SRGAP2B: variants seen among roughly 807,000 people sequenced by gnomAD.
SRGAP2B encodes SLIT-ROBO Rho GTPase activating protein 2B, also known as SLIT-ROBO Rho GTPase-activating protein 2B.
In SRGAP2B, 9 loss-of-function variants were observed where a neutral mutation model predicts 22.2. The observed-to-expected ratio is 0.41, with a 90% confidence interval of 0.24 to 0.71. SRGAP2B has a LOEUF of 0.71. SRGAP2B is among the 30% of genes least tolerant of loss of function. SRGAP2B has a pLI of 0.35. For synonymous variants in SRGAP2B, 36 were observed against 87.4 expected (o/e 0.41, Z 3.28); for missense variants, 114 against 235.8 (o/e 0.48, Z 3.38).
chr1:145,012,307 G>A (rs1430647276), intron 2 of SRGAP2B, among the ~76,000 whole-genome samples: 4 of 147,698 alleles, frequency 2.7e-5, no homozygotes, highest in African/African-American at 1.0e-4. Context: ...TGAATCAAGA[G>A]CTGTTTTTTG....
Position 144,966,205 on chromosome 1 carries a change from T to C in SRGAP2B, c.261-10604A>G, listed in dbSNP as rs200375683. Among the ~76,000 whole-genome samples the C allele has an allele frequency of 4.4e-4, 65 of 146,374 alleles. 4 individuals are homozygous for C. The highest frequency in any genetic ancestry group is 8.7e-4 in the Admixed American group (13 of 14,872). On this transcript the variant is annotated intron_variant, in intron 3 of 9. Transcript: ENST00000612199. ...ACATAATTGTCAGATTCACCAAAGT[T>C]GAAATGAAGGAAAAAATGTTAAGGG...
At chr1:145,035,998 TA>T (rs1435641880) in intron 2 of SRGAP2B, among the ~76,000 whole-genome samples, 2 of 139,210 alleles carry the variant, frequency 1.4e-5, no homozygotes, top group African/African-American at 5.5e-5. Flanking sequence ...TTCATACATT[TA>T]TTTTTTTACC....
chr1:144,984,766 T>C (rs587646559), intron 3 of SRGAP2B, among the ~76,000 whole-genome samples: 1 of 150,828 alleles, frequency 6.6e-6, no homozygotes, highest in East Asian at 1.9e-4. Flanking sequence ...ACCACTAGGT[T>C]AATCTTCCTT....
intron 4 of SRGAP2B, among the ~76,000 whole-genome samples, chr1:144,925,743 G>GAA (rs1204955622): frequency 8.0e-6 from 1 of 124,974 alleles, no homozygotes; most frequent in Non-Finnish European, 1.7e-5. Context: ...AAGAAAGAAA[G>GAA]AAAGAAAGAA....
chr1:145,006,635 C>G (rs1217842376), intron 2 of SRGAP2B, among the ~76,000 whole-genome samples: 1 of 150,664 alleles, frequency 6.6e-6, no homozygotes, highest in African/African-American at 2.5e-5. Context: ...TTTTCAACAA[C>G]TCAATATACA....
chr1:145,002,748 A>G (rs1553620201), intron 2 of SRGAP2B, among the ~76,000 whole-genome samples: 1 of 147,128 alleles, frequency 6.8e-6, no homozygotes, highest in Non-Finnish European at 1.5e-5. Flanking sequence ...AAAATTTCAC[A>G]TAACAATTCA....
At chr1:144,959,053 A>AT (rs1210015023) in intron 3 of SRGAP2B, among the ~76,000 whole-genome samples, 3 of 142,890 alleles carry the variant, frequency 2.1e-5, no homozygotes, top group South Asian at 2.2e-4. Context: ...GCATAGGTTT[A>AT]TTTTTTCATT....
At chr1:144,955,244 T>C (rs1230966644) in intron 4 of SRGAP2B, among the ~76,000 whole-genome samples, 195 bp downstream of exon 4, 1 of 148,990 alleles carries the variant, frequency 6.7e-6, no homozygotes, top group African/African-American at 2.6e-5. Flanking sequence ...CTTTCTTTTA[T>C]TTTTTCTTTC....
At chr1:145,080,807 G>A (rs1416618175) in intron 2 of SRGAP2B, among the ~76,000 whole-genome samples, 5 of 149,350 alleles carry the variant, frequency 3.3e-5, no homozygotes, top group Admixed American at 6.6e-5. Context: ...CGCCTGCCTC[G>A]GCCTCCCAAA....
chr1:144,980,533 G>A (rs1353390185), intron 3 of SRGAP2B, among the ~76,000 whole-genome samples: 2 of 151,918 alleles, frequency 1.3e-5, no homozygotes, highest in African/African-American at 2.4e-5. Context: ...GATAATCCTA[G>A]TTTGTTCGAT....
chr1:145,089,203 C>T (rs1653740521), intron 2 of SRGAP2B, among the ~76,000 whole-genome samples: 1 of 150,670 alleles, frequency 6.6e-6, no homozygotes, highest in African/African-American at 2.5e-5. Context: ...CATATAAAAG[C>T]ATAATGTAAA....
chr1:144,940,530 G>T (rs1665947545), intron 4 of SRGAP2B, among the ~76,000 whole-genome samples: 1 of 146,620 alleles, frequency 6.8e-6, no homozygotes, highest in Non-Finnish European at 1.5e-5. Context: ...TGGTCGTGGT[G>T]GCTCACGCCT....
chr1:145,090,002 A>T (rs1263882344), intron 2 of SRGAP2B, among the ~76,000 whole-genome samples: 1 of 146,358 alleles, frequency 6.8e-6, no homozygotes, highest in Non-Finnish European at 1.5e-5. Flanking sequence ...TACTGGCAGA[A>T]CCAAGATTTA....
intron 4 of SRGAP2B, among the ~76,000 whole-genome samples, chr1:144,940,796 C>T (rs1392027041): frequency 2.2e-5 from 3 of 136,874 alleles, no homozygotes; most frequent in Non-Finnish European, 3.1e-5. Flanking sequence ...GAAACTCCAT[C>T]TCCAAAAAAA....
intron 3 of SRGAP2B, among the ~76,000 whole-genome samples, chr1:144,985,240 A>C (rs1409042149): frequency 1.5e-5 from 2 of 134,910 alleles, no homozygotes; most frequent in South Asian, 5.0e-4. Flanking sequence ...CTGTCCTCTA[A>C]GAGTTTAGAA....
At chr1:145,008,703 T>C (rs1553621560) in intron 2 of SRGAP2B, among the ~76,000 whole-genome samples, 1 of 129,780 alleles carries the variant, frequency 7.7e-6, no homozygotes, top group African/African-American at 3.2e-5. Context: ...AGTTTCGTCT[T>C]CCTTATTTTG....
chr1:144,933,316 G>C lies in SRGAP2B; in HGVS notation c.424-18562C>G, dbSNP rs1327209098. ...CATCATCTGCCTGCCAGTTTAATCA[G>C]CTCACATCAGCAGCGGCAGAAAAAT... On this transcript the variant is annotated intron_variant, in intron 4 of 9. Transcript: ENST00000612199. Among the ~76,000 whole-genome samples, 4 of 150,040 alleles carry C rather than the reference G, an allele frequency of 2.7e-5. 1 individual carries two copies. The highest frequency in any genetic ancestry group is 1.0e-4 in the African/African-American group (4 of 39,808).
chr1:145,084,982 AC>A lies in SRGAP2B; in HGVS notation c.67+7852del, dbSNP rs1430451449. Among the ~76,000 whole-genome samples the A allele has an allele frequency of 4.0e-5, 6 of 150,944 alleles. No homozygotes were observed. The East Asian group carries it at 1.2e-3, about 29-fold the overall frequency. ...TTTTGAGATGGAGGCTTGCTCTGTCACCCAGGCTAGAGTGCAGTGGCATGAT... is the reference window on the plus strand; with the variant it reads ...TTTTGAGATGGAGGCTTGCTCTGTCACCAGGCTAGAGTGCAGTGGCATGAT... On this transcript the variant is annotated intron_variant, in intron 2 of 9. Coordinates refer to ENST00000612199, the Ensembl canonical transcript of SRGAP2B.
rs587750220 is a variant in SRGAP2B at position 144,965,095 on chromosome 1, A to T, written c.261-9494T>A. 7 of 1,296,444 alleles carry T rather than the reference A, an allele frequency of 5.4e-6. No individual in the cohort carries two copies. In the South Asian group the frequency reaches 8.4e-5, roughly 16 times the overall value. 80.3% of individuals were successfully genotyped at this position (1,296,444 alleles called of 1,614,324 possible). ...GTTGACAAGACTGAGGATAGTTTAG[A>T]AGGATGCTTGGATTGTCTGCTTCAA... On this transcript the variant is annotated intron_variant, in intron 3 of 9. Transcript: ENST00000612199.
Sources: gnomAD v4.1 joint callset for allele counts (sites outside exome capture counted in the v4.1 genomes callset) on GRCh38, gnomAD v4.1.1 for gene constraint, MANE v1.5 for transcripts, NCBI Gene and HGNC (gene_info 2026-07-23, HGNC 2026-07-21) for gene names.